The following FSTL4 variants were observed in gnomAD, a reference collection of about 807,000 sequenced individuals.
FSTL4 encodes follistatin-related protein 4.
A neutral mutation model predicts 78.2 loss-of-function variants in FSTL4; 28 were observed. The observed-to-expected ratio is 0.36, with a 90% CI of 0.27 to 0.49. The LOEUF (loss-of-function observed/expected upper bound fraction) is 0.49. Ranked by LOEUF, FSTL4 falls within the 20% of genes least tolerant of loss-of-function variation. The pLI is 0.98. For synonymous variants in FSTL4, 422 were observed against 440.5 expected (o/e 0.96, Z 0.53); for missense variants, 922 against 1,084.9 (o/e 0.85, Z 2.11).
At chr5:133,431,465 C>T (rs1314806865) in intron 3 of FSTL4, among the ~76,000 whole-genome samples, 1 of 152,190 alleles carries the variant, frequency 6.6e-6, no homozygotes, top group East Asian at 1.9e-4. Context: ...GGAGATCTGA[C>T]TACCCTGCAG....
intron 4 of FSTL4, among the ~76,000 whole-genome samples, chr5:133,390,333 T>C (rs1374649708): frequency 6.6e-6 from 1 of 152,250 alleles, no homozygotes; most frequent in Admixed American, 6.5e-5. Context: ...GTGATCAAAA[T>C]GCATCAAAGC....
intron 3 of FSTL4, among the ~76,000 whole-genome samples, chr5:133,558,545 ATCC>A (rs1426865876): frequency 6.6e-6 from 1 of 152,120 alleles, no homozygotes; most frequent in African/African-American, 2.4e-5. Context: ...GCCAGTGCCC[ATCC>A]TACCTGCTCA....
intron 13 of FSTL4, among the ~76,000 whole-genome samples, chr5:133,217,004 T>A (rs1750928663): frequency 6.6e-6 from 1 of 152,248 alleles, no homozygotes; most frequent in South Asian, 2.1e-4. Flanking sequence ...TTCTGATTTA[T>A]GGTCCCCAAC....
intron 14 of FSTL4, among the ~76,000 whole-genome samples, chr5:133,204,548 C>T (rs1750431327): frequency 6.6e-6 from 1 of 152,052 alleles, no homozygotes. Flanking sequence ...TACTCTTTCA[C>T]TGGCCAGGCA....
chr5:133,719,515 C>T, the FSTL4 span, among the ~76,000 whole-genome samples: 1 of 150,974 alleles, frequency 6.6e-6, no homozygotes, highest in Non-Finnish European at 1.5e-5. Context: ...ACTAAAAATA[C>T]AAAAAAAATT....
chr5:133,419,133 A>T (rs959922224), intron 3 of FSTL4, among the ~76,000 whole-genome samples: 48 of 151,610 alleles, frequency 3.2e-4, no homozygotes, highest in African/African-American at 1.1e-3. Context: ...TTTATTTTTT[A>T]TTTTTATTTT....
At chr5:133,675,252 C>G in the FSTL4 span, among the ~76,000 whole-genome samples, 2 of 152,164 alleles carry the variant, frequency 1.3e-5, no homozygotes, top group African/African-American at 4.8e-5. Context: ...TGAGAAAGAG[C>G]TGGGCATGGA....
chr5:133,475,781 G>C (rs1374024794), intron 3 of FSTL4, among the ~76,000 whole-genome samples: 1 of 152,162 alleles, frequency 6.6e-6, no homozygotes, highest in Non-Finnish European at 1.5e-5. Flanking sequence ...ATTTGGAGTG[G>C]TCTGCATAAT....
At chr5:133,483,525 G>A (rs924666067) in intron 3 of FSTL4, among the ~76,000 whole-genome samples, 9 of 152,184 alleles carry the variant, frequency 5.9e-5, no homozygotes, top group Admixed American at 2.0e-4. Flanking sequence ...CCAGTCCCCC[G>A]TGGATGGGCT....
chr5:133,221,372 T>C (rs920614422), intron 11 of FSTL4, among the ~76,000 whole-genome samples: 3 of 152,144 alleles, frequency 2.0e-5, no homozygotes, highest in African/African-American at 7.2e-5. Context: ...CCAACCCCTC[T>C]TTCCAGACAG....
chr5:133,706,801 T>G, the FSTL4 span, among the ~76,000 whole-genome samples: 6 of 152,100 alleles, frequency 3.9e-5, no homozygotes, highest in Non-Finnish European at 8.8e-5. Flanking sequence ...CCCTTGAATT[T>G]GGAAACCGTG....
intron 7 of FSTL4, chr5:133,247,789 A>C (rs1474014838): frequency 1.3e-5 from 2 of 152,274 alleles, no homozygotes; most frequent in Non-Finnish European, 2.9e-5. Flanking sequence ...AATCACAAGA[A>C]AACAATCCTG....
chr5:133,515,608 C>T (rs751585145), intron 3 of FSTL4, among the ~76,000 whole-genome samples: 31 of 151,078 alleles, frequency 2.1e-4, no homozygotes, highest in Non-Finnish European at 3.7e-4. Flanking sequence ...ATTATAATAA[C>T]TATAAATAGG....
chr5:133,366,070 C>T (rs1755175582), intron 4 of FSTL4, among the ~76,000 whole-genome samples: 1 of 152,226 alleles, frequency 6.6e-6, no homozygotes, highest in Non-Finnish European at 1.5e-5. Flanking sequence ...CTGGATCCTT[C>T]TCCAACATCA....
intron 3 of FSTL4, among the ~76,000 whole-genome samples, chr5:133,404,923 T>C (rs1261878209): frequency 1.3e-5 from 2 of 152,100 alleles, no homozygotes; most frequent in Non-Finnish European, 2.9e-5. Flanking sequence ...AACTAACGAG[T>C]GCTCCCTTCT....
chr5:133,339,574 C>T (rs1272445657), intron 4 of FSTL4, among the ~76,000 whole-genome samples: 1 of 152,168 alleles, frequency 6.6e-6, no homozygotes, highest in South Asian at 2.1e-4. Context: ...ACAACTAGCA[C>T]TCAACAAACA....
Position 133,217,251 on chromosome 5 carries a change from A to T in FSTL4, c.1586T>A (p.Ile529Asn). The change falls in exon 13 of 16, where the codon ATC becomes AAC. Residue 529 changes from isoleucine to asparagine, a missense_variant. Physicochemically the swap from Ile to Asn is moderately radical, Grantham distance 149. Coordinates refer to ENST00000265342, the MANE Select transcript of FSTL4 (RefSeq NM_015082.2). The stretch of plus-strand genomic sequence containing the variant: ...TACCTGTAGGACTTTCTGGGCTTGG[A>T]TGTCGACCACAAGGACTCTGCTCAG... The part of the protein sequence containing the change: ...PALSRVLVVD[I>N]QAQKVLQSIG... 6.2e-7 allele frequency: 1 copy of T among 1,614,030 alleles called. No homozygotes were observed. The highest frequency in any genetic ancestry group is 8.5e-7 in the Non-Finnish European group (1 of 1,179,932).
chr5:133,316,483 G>C lies in FSTL4; in HGVS notation c.579C>G (p.His193Gln), dbSNP rs201627375. The change falls in exon 5 of 16, where the codon CAC (histidine) becomes CAG (glutamine). Residue 193 changes from histidine to glutamine, a missense_variant. His to Gln is a conservative substitution (Grantham distance 24). Coordinates refer to ENST00000265342, the MANE Select transcript of FSTL4 (RefSeq NM_015082.2). Reference sequence around the variant, plus strand: ...CCTGAGCCAGTTCGGAGCTGCTGAGGTGGCCATTGCCATCTGCATCTAAGT... The same window carrying C: ...CCTGAGCCAGTTCGGAGCTGCTGAGCTGGCCATTGCCATCTGCATCTAAGT... ...FRDLDADGNG[H>Q]LSSSELAQHV... The C allele has an allele frequency of 6.2e-7, 1 of 1,614,038 alleles. No individual in the cohort carries two copies. Among genetic ancestry groups the C allele is most frequent in the South Asian group, 1.1e-5 (1 of 91,068 alleles).
At chr5:133,501,155 T>C (rs1758487455) in intron 3 of FSTL4, among the ~76,000 whole-genome samples, 2 of 151,992 alleles carry the variant, frequency 1.3e-5, no homozygotes, top group Non-Finnish European at 2.9e-5. Flanking sequence ...AGCCTGAGCC[T>C]GAGTGTGCTA....
Sources: allele counts gnomAD v4.1 joint callset (sites outside exome capture counted in the v4.1 genomes callset), GRCh38; gene constraint gnomAD v4.1.1; transcripts MANE v1.5; gene names NCBI Gene and HGNC (gene_info 2026-07-23, HGNC 2026-07-21).